MTDH: variants seen among roughly 807,000 people sequenced by gnomAD.
MTDH encodes protein LYRIC.
MTDH carries 34 observed loss-of-function variants against 72.7 expected under a neutral mutation model. The ratio of observed to expected loss-of-function variants is 0.47; its 90% CI spans 0.36 to 0.62. The LOEUF (loss-of-function observed/expected upper bound fraction) is 0.62. Among genes scored for constraint, MTDH ranks in the 20% least tolerant of loss-of-function variants. The pLI, the probability that MTDH is intolerant of heterozygous loss-of-function variation, is 0.00. For missense variants in MTDH, 677 were observed against 699.4 expected (o/e 0.97, Z 0.36); for synonymous variants, 266 against 268.9 (o/e 0.99, Z 0.10).
chr8:97,689,974 G>T (rs1813527004), intron 5 of MTDH, among the ~76,000 whole-genome samples: 1 of 146,938 alleles, frequency 6.8e-6, no homozygotes, highest in Non-Finnish European at 1.5e-5. Context: ...CTCCCAAAGT[G>T]CTGGAATTAC....
At chr8:97,717,634 CA>C (rs1386400866) in intron 9 of MTDH, among the ~76,000 whole-genome samples, 37 of 127,424 alleles carry the variant, frequency 2.9e-4, no homozygotes, top group Non-Finnish European at 5.0e-5. Context: ...CCCCCCCCCC[CA>C]AAAATGGAAA....
chr8:97,697,119 CAAAA>C (rs1176302781), intron 6 of MTDH, among the ~76,000 whole-genome samples: 1 of 63,082 alleles, frequency 1.6e-5, no homozygotes, highest in African/African-American at 1.2e-4. Context: ...CTCTGTCTCA[CAAAA>C]AAAAAAATAT....
At chr8:97,696,397 A>G in intron 6 of MTDH, 10 of 429,832 alleles carry the variant, frequency 2.3e-5, no homozygotes, top group South Asian at 9.9e-5. Context: ...TATCAATATA[A>G]ATAGCAGGTA....
chr8:97,648,694 T>C (rs1811655466), intron 1 of MTDH, among the ~76,000 whole-genome samples: 1 of 152,146 alleles, frequency 6.6e-6, no homozygotes, highest in South Asian at 2.1e-4. Context: ...TATTTGCATA[T>C]TAGTGTAGGA....
chr8:97,697,674 C>T (rs1267926348), intron 6 of MTDH, among the ~76,000 whole-genome samples: 1 of 151,994 alleles, frequency 6.6e-6, no homozygotes, highest in Non-Finnish European at 1.5e-5. Flanking sequence ...CATGAGCCAC[C>T]GCACCTGGCC....
At chr8:97,670,959 T>G (rs1181587437) in intron 2 of MTDH, among the ~76,000 whole-genome samples, 17 of 135,842 alleles carry the variant, frequency 1.3e-4, no homozygotes, top group South Asian at 2.6e-4. Flanking sequence ...GTTGTTTTTT[T>G]TTTTTTTTTT....
intron 5 of MTDH, among the ~76,000 whole-genome samples, chr8:97,690,600 A>G (rs1039774556): frequency 1.3e-5 from 2 of 151,688 alleles, no homozygotes; most frequent in East Asian, 1.9e-4. Context: ...ATGTGCAGCC[A>G]GGTTTTAGAA....
At chr8:97,661,929 A>AG (rs1812186147) in intron 2 of MTDH, among the ~76,000 whole-genome samples, 2 of 151,378 alleles carry the variant, frequency 1.3e-5, no homozygotes, top group Non-Finnish European at 1.5e-5. Context: ...AAAAAAAAAA[A>AG]AAAAAGAAAA....
In MTDH at chr8:97,723,263, C is replaced by T. The variant is rs546912342; in HGVS notation, c.1678+228C>T. ...AATACAAAAAATTAGCCAGGTGTGG[C>T]GGCGGGTGCCTGTAGTCCCAGCTAC... On this transcript the variant is annotated intron_variant, in intron 11 of 11. Transcript: ENST00000336273. Among the ~76,000 whole-genome samples the T allele has an allele frequency of 2.8e-3, 414 of 148,962 alleles. 3 individuals carry two copies. The highest frequency in any genetic ancestry group is 9.8e-3 in the African/African-American group (395 of 40,362).
chr8:97,665,699 T>A (rs188787010), intron 2 of MTDH, among the ~76,000 whole-genome samples: 2 of 152,272 alleles, frequency 1.3e-5, no homozygotes, highest in Admixed American at 1.3e-4. Flanking sequence ...ATTAAACAAA[T>A]GGACATATTC....
At chr8:97,708,584 T>TC (rs1814475750) in intron 8 of MTDH, among the ~76,000 whole-genome samples, 1 of 20,212 alleles carries the variant, frequency 4.9e-5, no homozygotes, top group Admixed American at 5.8e-4. Flanking sequence ...GCCAGGCCTT[T>TC]TTTTTTTTTT....
rs991350886 is a variant in MTDH at position 97,722,885 on chromosome 8, A to G, written c.1528A>G (p.Lys510Glu). The G allele has an allele frequency of 6.2e-7, 1 of 1,606,712 alleles. No individual in the cohort carries two copies. The highest frequency in any genetic ancestry group is 1.3e-5 in the African/African-American group (1 of 74,566). The change falls in exon 11 of 12, where the codon AAG becomes GAG. Residue 510 changes from lysine to glutamate, a missense_variant. Lys to Glu is a moderately conservative substitution (Grantham distance 56). This residue lies in a region of MTDH where 201 missense variants were observed against 204.5 expected (regional missense o/e 0.98). Transcript: ENST00000336273. ...TGATTTTTTCCTAAAATAGCCTATC[A>G]AGACTCTTCCACCTGCTACTTCTAC... ...EVLVKNSQPIKTLPPATSTEP... is the reference protein window; with the variant it reads ...EVLVKNSQPIETLPPATSTEP...
At chr8:97,724,225 A>G (rs1465910662) in intron 11 of MTDH, among the ~76,000 whole-genome samples, 3 of 152,162 alleles carry the variant, frequency 2.0e-5, no homozygotes, top group African/African-American at 7.2e-5. Context: ...TTTTCTCTGC[A>G]CATGTTCTTG....
At chr8:97,664,275 G>A (rs1812292427) in intron 2 of MTDH, among the ~76,000 whole-genome samples, 1 of 151,870 alleles carries the variant, frequency 6.6e-6, no homozygotes. Flanking sequence ...AGAATCACTT[G>A]AACACAGGAG....
chr8:97,687,522 T>A lies in MTDH; in HGVS notation c.662T>A (p.Ile221Asn), dbSNP rs751249629. Residue 221 changes from isoleucine to asparagine, a missense_variant, in exon 4 of 12, where the codon ATC (isoleucine) becomes AAC (asparagine). Around this residue, in one of 3 missense-constraint regions of MTDH, gnomAD observed 467 missense variants for 469.1 expected, o/e 1.00. Transcript: ENST00000336273. ...LTDSGSLDST[I>N]PGIENTITVT... Reference sequence around the variant, plus strand: ...GATTCTGGTTCATTGGATTCAACTATCCCTGGGATAGAAAATACCATCACA... The same window carrying A: ...GATTCTGGTTCATTGGATTCAACTAACCCTGGGATAGAAAATACCATCACA... The A allele has an allele frequency of 5.0e-6, 8 of 1,613,686 alleles. No individual in the cohort carries two copies. In the Admixed American group the frequency reaches 1.3e-4, roughly 27 times the overall value.
rs946715142 is a variant in MTDH, at chr8:97,728,458, ACTT to A, written c.*3794_*3796del. ...TGACACACAATGTTCTCTACAGAAA[ACTT>A]CTTCTATCTTATGTCATTTTAGCAG... On this transcript the variant is annotated 3_prime_UTR_variant, in exon 12 of 12. Transcript: ENST00000336273. 7 of 152,164 alleles carry A rather than the reference ACTT, an allele frequency of 4.6e-5. No homozygotes were observed. The highest frequency in any genetic ancestry group is 9.7e-5 in the African/African-American group (4 of 41,436). The allele number at this position is 152,164 out of a possible 1,614,324, so 9.4% of individuals were successfully genotyped here. A position where few individuals can be genotyped will look rare whatever the true frequency, so the allele number is the denominator to read the frequency against.
At chr8:97,674,833 C>T (rs540775229) in intron 2 of MTDH, among the ~76,000 whole-genome samples, 1 of 151,350 alleles carries the variant, frequency 6.6e-6, no homozygotes, top group South Asian at 2.1e-4. Flanking sequence ...TTTCTTGAGA[C>T]AGAGTCTTGC....
rs1815433476 is a variant in MTDH at position 97,728,291 on chromosome 8, CTTGTG to C, written c.*3622_*3626del. ...TGTTTAAATTGCTCGTTACAGTTCTCTTGTGGGGAGGGACTTTGTCAGTCATTTTG... is the reference window on the plus strand; with the variant it reads ...TGTTTAAATTGCTCGTTACAGTTCTCGGGAGGGACTTTGTCAGTCATTTTG... On this transcript the variant is annotated 3_prime_UTR_variant, in exon 12 of 12. Transcript: ENST00000336273. The C allele has an allele frequency of 6.6e-6, 1 of 152,136 alleles. No individual in the cohort carries two copies. The highest frequency in any genetic ancestry group is 2.4e-5 in the African/African-American group (1 of 41,420). 9.4% of individuals were successfully genotyped at this position (152,136 alleles called of 1,614,324 possible). A position where few individuals can be genotyped will look rare whatever the true frequency, so the allele number is the denominator to read the frequency against.
chr8:97,651,557 C>T (rs1311403782), intron 1 of MTDH, among the ~76,000 whole-genome samples: 13 of 152,210 alleles, frequency 8.5e-5, no homozygotes, highest in Admixed American at 8.5e-4. Context: ...TGCAGAGTGA[C>T]TTTGCAGCTC....
Sources: gnomAD v4.1 joint callset for allele counts (sites outside exome capture counted in the v4.1 genomes callset) on GRCh38, gnomAD v4.1.1 for gene constraint, gnomAD v4.1.1 regional missense constraint, MANE v1.5 for transcripts, NCBI Gene and HGNC (gene_info 2026-07-23, HGNC 2026-07-21) for gene names.